Variants in COL4A6 observed in about 807,000 individuals in gnomAD.
The protein encoded by COL4A6 is collagen type IV alpha 6 chain.
In COL4A6, 59 loss-of-function variants were observed where a neutral mutation model predicts 126.7. The observed-to-expected ratio is 0.47, with a 90% confidence interval of 0.38 to 0.58. The LOEUF (loss-of-function observed/expected upper bound fraction) is 0.58, where lower values mean the gene tolerates loss of function less well. Ranked by LOEUF, COL4A6 falls within the 20% of genes least tolerant of loss-of-function variation. COL4A6 has a pLI of 0.00. For missense variants in COL4A6, 1,285 were observed against 1,337.3 expected, an observed-to-expected ratio of 0.96 and a Z score of 0.61; for synonymous variants, 547 against 496.6, an observed-to-expected ratio of 1.10 and a Z score of -1.35.
At chrX:108,384,441 C>T (rs1240569488) in intron 2 of COL4A6, among the ~76,000 whole-genome samples, 1 of 112,426 alleles carries the variant, frequency 8.9e-6, no homozygotes, top group African/African-American at 3.2e-5. Context: ...TGTTTTATCT[C>T]AAACAATGAG....
At chrX:108,362,479 AGGGAACATCAAGGTTCCTT>A (rs1420095264) in intron 2 of COL4A6, among the ~76,000 whole-genome samples, 1 of 111,762 alleles carries the variant, frequency 8.9e-6, no homozygotes, top group East Asian at 2.8e-4. Flanking sequence ...AAGTGATTCC[AGGGAACATCAAGGTTCCTT>A]GGGAACATCT....
intron 3 of COL4A6, among the ~76,000 whole-genome samples, chrX:108,280,401 G>T (rs1219916122): frequency 8.9e-6 from 1 of 111,966 alleles, no homozygotes; most frequent in Non-Finnish European, 1.9e-5. Context: ...TAGAAGAAAT[G>T]AATAAAGTCC....
At chrX:108,387,467 G>C (rs2040727043) in intron 2 of COL4A6, among the ~76,000 whole-genome samples, 3 of 111,268 alleles carry the variant, frequency 2.7e-5, no homozygotes, top group Admixed American at 9.6e-5. Flanking sequence ...ATTTTATTCT[G>C]TTTGTAGTAA....
chrX:108,169,560 C>G lies in COL4A6; in HGVS notation c.3626G>C (p.Gly1209Ala). Reference sequence around the variant, plus strand: ...AGCTCCGATGCCAATTCCTGGATATCCTTTTTCTCCTTTGGGTCCAGGGAG... The same window carrying G: ...AGCTCCGATGCCAATTCCTGGATATGCTTTTTCTCCTTTGGGTCCAGGGAG... ...AGLPGPKGEK[G>A]YPGIGIGAPG... Residue 1209 changes from glycine to alanine, a missense_variant, in exon 37 of 45, where the codon GGA (glycine) becomes GCA (alanine). Physicochemically the swap from Gly to Ala is moderately conservative, Grantham distance 60. Coordinates refer to ENST00000334504, the MANE Select transcript of COL4A6 (RefSeq NM_033641.4). The G allele has an allele frequency of 1.7e-6, 2 of 1,211,412 alleles. No homozygotes were observed. The highest frequency in any genetic ancestry group is 2.2e-6 in the Non-Finnish European group (2 of 895,454).
At chrX:108,429,601 A>C (rs1467746071) in intron 2 of COL4A6, among the ~76,000 whole-genome samples, 2 of 112,204 alleles carry the variant, frequency 1.8e-5, no homozygotes, top group Non-Finnish European at 3.8e-5. Flanking sequence ...AAACTGGATA[A>C]GCGTACATAG....
At chrX:108,355,232 G>T (rs754172006) in intron 2 of COL4A6, among the ~76,000 whole-genome samples, 24 of 112,077 alleles carry the variant, frequency 2.1e-4, no homozygotes, top group African/African-American at 7.5e-4. Flanking sequence ...GAGATCACAT[G>T]AATGGGTTTT....
At chrX:108,278,242 GA>G (rs1471884435) in intron 3 of COL4A6, among the ~76,000 whole-genome samples, 1 of 111,489 alleles carries the variant, frequency 9.0e-6, no homozygotes, top group African/African-American at 3.3e-5. Flanking sequence ...TGAAAACTTT[GA>G]AAAAAATTTA....
intron 2 of COL4A6, among the ~76,000 whole-genome samples, chrX:108,322,331 G>T (rs1230480429): frequency 8.9e-6 from 1 of 112,020 alleles, no homozygotes; most frequent in East Asian, 2.8e-4. Context: ...GAAGTGATCT[G>T]TGGGAGCTGG....
intron 3 of COL4A6, among the ~76,000 whole-genome samples, chrX:108,275,400 C>A (rs761276293): frequency 2.7e-5 from 3 of 112,222 alleles, no homozygotes; most frequent in African/African-American, 9.7e-5. Flanking sequence ...CTGTGTTTTC[C>A]TATCTGTATG....
intron 2 of COL4A6, among the ~76,000 whole-genome samples, chrX:108,315,962 G>T (rs1465804787): frequency 1.8e-5 from 2 of 111,782 alleles, no homozygotes; most frequent in African/African-American, 6.5e-5. Flanking sequence ...GCATCACTTG[G>T]GATTCTTCGT....
At chrX:108,347,312 ACATGGG>A (rs1436183438) in intron 2 of COL4A6, among the ~76,000 whole-genome samples, 2 of 112,538 alleles carry the variant, frequency 1.8e-5, no homozygotes, top group East Asian at 5.6e-4. Flanking sequence ...TGCACCTTCC[ACATGGG>A]CAGTGGCCCT....
intron 2 of COL4A6, among the ~76,000 whole-genome samples, chrX:108,390,451 C>T (rs1044973450): frequency 4.6e-5 from 5 of 109,087 alleles, no homozygotes; most frequent in Non-Finnish European, 9.5e-5. Context: ...TTTCTCTAAT[C>T]TTTTCTTCTC....
At position 108,334,777 on chromosome X, in the gene COL4A6, G is replaced by C. The variant is rs143558801; in HGVS notation, c.64-23949C>G. Among the ~76,000 whole-genome samples the C allele has an allele frequency of 2.7e-5, 3 of 111,530 alleles. No homozygotes were observed. The South Asian group carries it at 1.1e-3, about 42-fold the overall frequency. On this transcript the variant is annotated intron_variant, in intron 2 of 44. Coordinates refer to ENST00000334504, the MANE Select transcript of COL4A6 (RefSeq NM_033641.4). ...CTTGCTTCTGACACTTATTAGTTCT[G>C]AGCAAGTTTCTTCTGAGCCCCAGTT...
At chrX:108,387,556 C>A (rs2040730261) in intron 2 of COL4A6, among the ~76,000 whole-genome samples, 1 of 111,786 alleles carries the variant, frequency 8.9e-6, no homozygotes, top group Admixed American at 9.5e-5. Flanking sequence ...GATTTTTGCA[C>A]ATTGATTTTG....
intron 2 of COL4A6, among the ~76,000 whole-genome samples, chrX:108,341,036 A>G (rs1701831272): frequency 9.0e-6 from 1 of 111,213 alleles, no homozygotes; most frequent in East Asian, 2.8e-4. Context: ...TTCAGACAGA[A>G]TGGGCAATAG....
At chrX:108,180,762 T>A (rs1344868253) in intron 24 of COL4A6, 135 bp downstream of exon 24, 1 of 801,151 alleles carries the variant, frequency 1.2e-6, no homozygotes, top group African/African-American at 2.1e-5. Context: ...CCAGCAGCCA[T>A]CCTGTTTCCT....
intron 2 of COL4A6, among the ~76,000 whole-genome samples, chrX:108,328,853 G>A (rs891786057): frequency 5.4e-5 from 6 of 111,785 alleles, no homozygotes; most frequent in Admixed American, 9.5e-5. Flanking sequence ...ATAAAATGTG[G>A]TACATATGTA....
chrX:108,438,247 C>T lies in COL4A6; in HGVS notation c.-51G>A, dbSNP rs766383594. On this transcript the variant is annotated 5_prime_UTR_variant, in exon 1 of 45. Transcript: ENST00000334504. ...CCCGGGAGACTGCTAAGCGGCTCCGCGGCCCGTGCTCATCTGGGCTCTGCT... is the reference window on the plus strand; with the variant it reads ...CCCGGGAGACTGCTAAGCGGCTCCGTGGCCCGTGCTCATCTGGGCTCTGCT... 3 of 1,161,526 alleles carry T rather than the reference C, an allele frequency of 2.6e-6. No homozygotes were observed. The highest frequency in any genetic ancestry group is 3.4e-6 in the Non-Finnish European group (3 of 874,058).
At chrX:108,351,909 T>C (rs1295438232) in intron 2 of COL4A6, among the ~76,000 whole-genome samples, 1 of 112,123 alleles carries the variant, frequency 8.9e-6, no homozygotes, top group Admixed American at 9.4e-5. Flanking sequence ...ATATATTCAC[T>C]GCATGAGGCT....
Sources: allele counts gnomAD v4.1 joint callset (sites outside exome capture counted in the v4.1 genomes callset), GRCh38; gene constraint gnomAD v4.1.1; transcripts MANE v1.5; gene names NCBI Gene and HGNC (gene_info 2026-07-23, HGNC 2026-07-21).